The following ACOX3 variants were observed in gnomAD, a reference collection of about 807,000 sequenced individuals.
ACOX3 encodes acyl-CoA oxidase 3, pristanoyl, also known as peroxisomal acyl-coenzyme A oxidase 3.
In ACOX3, 73 loss-of-function variants were observed where a neutral mutation model predicts 81.5. The ratio of observed to expected loss-of-function variants is 0.90; its 90% CI spans 0.74 to 1.09. ACOX3 has a LOEUF of 1.09. Among genes scored for constraint, ACOX3 ranks in the 50% least tolerant of loss-of-function variants. The pLI, the probability that ACOX3 is intolerant of heterozygous loss-of-function variation, is 0.00. For missense variants in ACOX3, 947 were observed against 928.0 expected, an observed-to-expected ratio of 1.02 and a Z score of -0.27; for synonymous variants, 387 against 375.1, an observed-to-expected ratio of 1.03 and a Z score of -0.37.
chr4:8,410,486 A>G, intron 5 of ACOX3, 131 bp from the exon 6 acceptor site: 1 of 1,235,740 alleles, frequency 8.1e-7, no homozygotes, highest in East Asian at 2.5e-5. Flanking sequence ...CTAATCGCAC[A>G]TTTTAGTTCT....
rs138527176 is a variant in ACOX3 at position 8,376,554 on chromosome 4, C to T, written c.1654-1402G>A. Among the ~76,000 whole-genome samples the T allele has an allele frequency of 2.1e-3, 325 of 152,238 alleles. 3 individuals are homozygous for T. The highest frequency in any genetic ancestry group is 7.3e-3 in the African/African-American group (303 of 41,574). ...AGGGCCCTGCTGGGATCAGGAGCCT[C>T]GGGAAAACAGAAACCGGGAGAAGCG... On this transcript the variant is annotated intron_variant, in intron 14 of 17. Transcript: ENST00000356406.
In ACOX3 at chr4:8,389,473, C is replaced by G. The variant is rs532690394; in HGVS notation, c.1423+139G>C. 1 of 1,432,280 alleles carries G rather than the reference C, an allele frequency of 7.0e-7. No individual in the cohort carries two copies. The highest frequency in any genetic ancestry group is 1.4e-5 in the African/African-American group (1 of 71,142). 88.7% of individuals were successfully genotyped at this position (1,432,280 alleles called of 1,614,324 possible). A position where few individuals can be genotyped will look rare whatever the true frequency, so the allele number is the denominator to read the frequency against. ...TTTGCCCATGCCTTGGGGAGTTGGT[C>G]GGCACTATCTAATAACATTTCTTTC... is the stretch of plus-strand genomic sequence containing the variant. On this transcript the variant is annotated intron_variant, in intron 12 of 17. Coordinates refer to ENST00000356406, the MANE Select transcript of ACOX3 (RefSeq NM_003501.3). This position sits in a 1 kb window ranked among gnomAD's most constrained non-coding sequence, Gnocchi z 5.3.
intron 11 of ACOX3, among the ~76,000 whole-genome samples, chr4:8,390,292 C>T (rs950140981): frequency 3.3e-5 from 5 of 151,906 alleles, no homozygotes; most frequent in African/African-American, 1.2e-4. Context: ...AAAAGTAAGC[C>T]ATGGTCATGC....
At chr4:8,365,581 C>T (rs1481498503), downstream of ACOX3, among the ~76,000 whole-genome samples, 3 of 152,220 alleles carry the variant, frequency 2.0e-5, no homozygotes, top group Non-Finnish European at 2.9e-5. Flanking sequence ...CCAGTCTCCT[C>T]TCTGCAGATG....
intron 7 of ACOX3, among the ~76,000 whole-genome samples, chr4:8,402,712 G>A (rs527430750): frequency 1.1e-4 from 17 of 152,216 alleles, no homozygotes; most frequent in African/African-American, 3.1e-4. Flanking sequence ...AGCGGGAGAC[G>A]TGTGCGTGTG....
chr4:8,409,837 G>T lies in ACOX3; in HGVS notation c.687+375C>A, dbSNP rs1721506381. ...CACTGTGGGCAGGACTGTCTGCACT[G>T]TGGGCAGAGCTGTCTGTGCGCTGCT... On this transcript the variant is annotated intron_variant, in intron 6 of 17. Coordinates refer to ENST00000356406, the MANE Select transcript of ACOX3 (RefSeq NM_003501.3). Among the ~76,000 whole-genome samples the T allele has an allele frequency of 2.0e-5, 3 of 150,856 alleles. No homozygotes were observed. The South Asian group carries it at 6.3e-4, about 32-fold the overall frequency.
rs1720298128 is a variant in ACOX3, at chr4:8,400,910, T to C, written c.777-1258A>G. Among the ~76,000 whole-genome samples the C allele has an allele frequency of 6.6e-6, 1 of 151,832 alleles. No homozygotes were observed. Among genetic ancestry groups the C allele is most frequent in the Non-Finnish European group, 1.5e-5 (1 of 68,014 alleles). On this transcript the variant is annotated intron_variant, in intron 7 of 17. Coordinates refer to ENST00000356406, the MANE Select transcript of ACOX3 (RefSeq NM_003501.3). This position sits in a 1 kb window ranked among gnomAD's most constrained non-coding sequence, Gnocchi z 4.4. Reference sequence around the variant, plus strand: ...TCTATTATTATTACATGGTAACACATAATGAAATGATTATACAATTAGCCA... The same window carrying C: ...TCTATTATTATTACATGGTAACACACAATGAAATGATTATACAATTAGCCA...
At chr4:8,392,225 G>T in intron 11 of ACOX3, 108 bp downstream of exon 11, 3 of 1,305,564 alleles carry the variant, frequency 2.3e-6, no homozygotes, top group Non-Finnish European at 3.0e-6. Flanking sequence ...TGCAAAAACA[G>T]GTGGCAGGCT....
At chr4:8,374,543 A>C (rs1427349890) in intron 15 of ACOX3, 2 of 163,096 alleles carry the variant, frequency 1.2e-5, no homozygotes, top group East Asian at 3.5e-4. Flanking sequence ...AAAAGTTGAC[A>C]AACTTTGGTT....
rs899070640 is a variant in ACOX3 at position 8,368,370 on chromosome 4, T to C, written c.1984-1290A>G. Among the ~76,000 whole-genome samples, 1 of 152,224 alleles carries C rather than the reference T, an allele frequency of 6.6e-6. No homozygotes were observed. The highest frequency in any genetic ancestry group is 2.4e-5 in the African/African-American group (1 of 41,458). ...GGGCGAAGGGCAGCTGAGCAGACAC[T>C]TCACCCGTGCAGGGTGGAAAGGGGC... is the stretch of plus-strand genomic sequence containing the variant. On this transcript the variant is annotated intron_variant, in intron 17 of 17. Transcript: ENST00000356406. The surrounding 1 kb of genome is among the most constrained non-coding windows in gnomAD (Gnocchi z 5.9).
chr4:8,368,545 GAC>G lies in ACOX3; in HGVS notation c.1984-1467_1984-1466del, dbSNP rs1049693319. Among the ~76,000 whole-genome samples, 32 of 152,336 alleles carry G rather than the reference GAC, an allele frequency of 2.1e-4. No homozygotes were observed. Among genetic ancestry groups the G allele is most frequent in the African/African-American group, 7.5e-4 (31 of 41,582 alleles). ...CCACTCTGCTACTCTGGGCTCCACA[GAC>G]ACAGACCCAGGCTGCTGCTCCACAG... On this transcript the variant is annotated intron_variant, in intron 17 of 17. Coordinates refer to ENST00000356406, the MANE Select transcript of ACOX3 (RefSeq NM_003501.3). This position sits in a 1 kb window ranked among gnomAD's most constrained non-coding sequence, Gnocchi z 5.9.
At position 8,381,269 on chromosome 4, in the gene ACOX3, A is replaced by T. The variant is rs554984408; in HGVS notation, c.1653+223T>A. ...GGGCTGGGAACCGTCAGGCACGGTA[A>T]ATGTAACATCCATGACCTCCCCAGC... On this transcript the variant is annotated intron_variant, in intron 14 of 17. Transcript: ENST00000356406. The surrounding 1 kb of genome is among the most constrained non-coding windows in gnomAD (Gnocchi z 4.3). Among the ~76,000 whole-genome samples the T allele has an allele frequency of 6.6e-6, 1 of 152,096 alleles. No homozygotes were observed. The highest frequency in any genetic ancestry group is 1.5e-5 in the Non-Finnish European group (1 of 68,018).
intron 14 of ACOX3, among the ~76,000 whole-genome samples, chr4:8,378,625 C>T (rs1393095443): frequency 6.6e-6 from 1 of 151,902 alleles, no homozygotes. Context: ...TTTTTACTCC[C>T]AGGCTAGAGG....
At position 8,382,767 on chromosome 4, in the gene ACOX3, C is replaced by T. The variant is rs1050516807; in HGVS notation, c.1538-1160G>A. Among the ~76,000 whole-genome samples, 13 of 151,966 alleles carry T rather than the reference C, an allele frequency of 8.6e-5. No individual in the cohort carries two copies. Among genetic ancestry groups the T allele is most frequent in the African/African-American group, 2.2e-4 (9 of 41,468 alleles). On this transcript the variant is annotated intron_variant, in intron 13 of 17. Coordinates refer to ENST00000356406, the MANE Select transcript of ACOX3 (RefSeq NM_003501.3). The surrounding 1 kb of genome is among the most constrained non-coding windows in gnomAD (Gnocchi z 4.1). ...CAGCACTTTGGGAGGCAGAGGCGGG[C>T]GGATCACGAGGTCAGGAGATCGAGA... is the stretch of plus-strand genomic sequence containing the variant.
rs373666319 is a variant in ACOX3, at chr4:8,399,542, C to A, written c.873+14G>T. 6.2e-7 allele frequency: 1 copy of A among 1,604,350 alleles called. No homozygotes were observed. Among genetic ancestry groups the A allele is most frequent in the Non-Finnish European group, 8.5e-7 (1 of 1,171,318 alleles). ...TGGGAAGCACGGCACACGAACGGCCCCCCATGCCTGTACCTTAAAGGGGCT... is the reference window on the plus strand; with the variant it reads ...TGGGAAGCACGGCACACGAACGGCCACCCATGCCTGTACCTTAAAGGGGCT... On this transcript the variant is annotated intron_variant, in intron 8 of 17. Transcript: ENST00000356406. The surrounding 1 kb of genome is among the most constrained non-coding windows in gnomAD (Gnocchi z 4.9).
chr4:8,435,220 G>A (rs983006669), intron 1 of ACOX3, among the ~76,000 whole-genome samples: 4 of 152,242 alleles, frequency 2.6e-5, no homozygotes, highest in African/African-American at 7.2e-5. Flanking sequence ...GCTGGGCGCG[G>A]TGGCTCACGC....
rs769883178 is a variant in ACOX3, at chr4:8,430,784, A to C, written c.-15+9864T>G. On this transcript the variant is annotated intron_variant, in intron 1 of 17. Transcript: ENST00000356406. This position sits in a 1 kb window ranked among gnomAD's most constrained non-coding sequence, Gnocchi z 5.2. ...GGCAAGAGAATCGCCTGAACGCAGG[A>C]GGTAGAGGTTGCAGTGAGCCAAGGT... Among the ~76,000 whole-genome samples, 1 of 152,190 alleles carries C rather than the reference A, an allele frequency of 6.6e-6. No individual in the cohort carries two copies. Among genetic ancestry groups the C allele is most frequent in the Admixed American group, 6.5e-5 (1 of 15,292 alleles).
chr4:8,381,501 G>C lies in ACOX3; in HGVS notation c.1644C>G (p.Asn548Lys), dbSNP rs1452714164. 1.2e-6 allele frequency: 2 copies of C among 1,612,594 alleles called. No homozygotes were observed. Among genetic ancestry groups the C allele is most frequent in the African/African-American group, 1.3e-5 (1 of 74,882 alleles). Reference sequence around the variant, plus strand: ...GAAAACAAATACTTACCTGGCATTTGTTCCTTGCTTCAAAGTCACTGCTTC... The same window carrying C: ...GAAAACAAATACTTACCTGGCATTTCTTCCTTGCTTCAAAGTCACTGCTTC... ...RSGSSDFEAR[N>K]KCQVSHGRPL... Residue 548 changes from asparagine to lysine, a missense_variant, in exon 14 of 18, where the codon AAC becomes AAG. Asn to Lys is a moderately conservative substitution (Grantham distance 94). Coordinates refer to ENST00000356406, the MANE Select transcript of ACOX3 (RefSeq NM_003501.3). This position sits in a 1 kb window ranked among gnomAD's most constrained non-coding sequence, Gnocchi z 4.3.
In ACOX3 at chr4:8,417,744, A is replaced by G. The variant is rs192996059; in HGVS notation, c.-14-1209T>C. 8.7e-4 allele frequency among the ~76,000 whole-genome samples: 132 copies of G among 152,374 alleles called. 1 individual carries two copies. The highest frequency in any genetic ancestry group is 3.1e-3 in the African/African-American group (130 of 41,588). ...GAAACAGAGAACAGAAAAATAGAGA[A>G]AAATCAATAAACGATCAAGTTGGTT... On this transcript the variant is annotated intron_variant, in intron 1 of 17. Transcript: ENST00000356406.
Sources: gnomAD v4.1 joint callset for allele counts (sites outside exome capture counted in the v4.1 genomes callset) on GRCh38, gnomAD v4.1.1 for gene constraint, Gnocchi (gnomAD v3.1) non-coding constraint, MANE v1.5 for transcripts, NCBI Gene and HGNC (gene_info 2026-07-23, HGNC 2026-07-21) for gene names.